Variants in ACTMAP observed in about 807,000 individuals in gnomAD.
ACTMAP encodes the protein actin maturation protease, also known as UPF0692 protein C19orf54.
chr19:40,750,449 G>A, the ACTMAP span: 2 of 152,136 alleles, frequency 1.3e-5, no homozygotes, highest in Non-Finnish European at 2.9e-5. Context: ...AAAAGGAAAG[G>A]AGTCAGGAAG....
the ACTMAP span, chr19:40,743,911 T>C: frequency 6.2e-7 from 1 of 1,613,976 alleles, no homozygotes; most frequent in Admixed American, 1.7e-5. Context: ...CCACCTGCAC[T>C]CACCGCCCAG....
chr19:40,742,401 A>G, the ACTMAP span: 1 of 1,445,924 alleles, frequency 6.9e-7, no homozygotes, highest in Non-Finnish European at 9.1e-7. Context: ...ATGGTTACCG[A>G]GCTAGGCTGC....
At chr19:40,741,116 C>T in the ACTMAP span, 5 of 398,822 alleles carry the variant, frequency 1.3e-5, no homozygotes, top group Admixed American at 4.4e-5. Flanking sequence ...ATGGTGGACA[C>T]GCATCCTCTT....
chr19:40,747,396 G>C, the ACTMAP span, among the ~76,000 whole-genome samples: 1 of 151,976 alleles, frequency 6.6e-6, no homozygotes, highest in Non-Finnish European at 1.5e-5. Flanking sequence ...AAATTAGCCA[G>C]GCGTGGTGGT....
At chr19:40,741,164 G>C in the ACTMAP span, 70 of 396,904 alleles carry the variant, frequency 1.8e-4, no homozygotes, top group Non-Finnish European at 2.7e-5. Flanking sequence ...CACTGTGGCC[G>C]GGCTCAGTGG....
At chr19:40,742,230 C>A in the ACTMAP span, 143 of 710,100 alleles carry the variant, frequency 2.0e-4, 1 homozygote, top group Middle Eastern at 1.4e-3. Flanking sequence ...ATGGAATAGG[C>A]AGGCCGCAGG....
At chr19:40,741,441 TAAA>T in the ACTMAP span, 4,942 of 198,674 alleles carry the variant, frequency 0.025, no homozygotes, top group South Asian at 0.063. Context: ...AGACTCCATC[TAAA>T]AAAAAAAAAA....
At chr19:40,745,900 G>A in the ACTMAP span, among the ~76,000 whole-genome samples, 5 of 152,190 alleles carry the variant, frequency 3.3e-5, no homozygotes, top group East Asian at 7.7e-4. Flanking sequence ...TCGAATTCCT[G>A]ACCTCAGGTT....
chr19:40,745,277 G>C, the ACTMAP span: 14 of 1,363,748 alleles, frequency 1.0e-5, no homozygotes, highest in Middle Eastern at 1.8e-4. Context: ...GGGAGTGGTC[G>C]TATCCAGGGA....
the ACTMAP span, among the ~76,000 whole-genome samples, chr19:40,743,530 G>A: frequency 6.6e-6 from 1 of 152,278 alleles, no homozygotes; most frequent in East Asian, 1.9e-4. Context: ...ACCGCGCCTG[G>A]CCAAGCCTTG....
At chr19:40,741,784 A>AC in the ACTMAP span, 5 of 454,154 alleles carry the variant, frequency 1.1e-5, no homozygotes, top group African/African-American at 2.0e-5. Context: ...TCCATCTAGC[A>AC]CCCCCCTTAC....
At chr19:40,744,619 C>A in the ACTMAP span, 1 of 1,613,738 alleles carries the variant, frequency 6.2e-7, no homozygotes, top group African/African-American at 1.3e-5. Context: ...ATGAGTCTCT[C>A]CAGGGGGACG....
the ACTMAP span, among the ~76,000 whole-genome samples, chr19:40,746,263 C>CGGCT: frequency 6.6e-6 from 1 of 151,898 alleles, no homozygotes; most frequent in Non-Finnish European, 1.5e-5. Flanking sequence ...CTTGTTGCTC[C>CGGCT]GGCTGGAGTG....
the ACTMAP span, chr19:40,749,891 T>A: frequency 9.1e-7 from 1 of 1,099,922 alleles, no homozygotes; most frequent in Non-Finnish European, 1.2e-6. Context: ...ATGGAGATTT[T>A]AAAGGTTTAA....
chr19:40,742,782 G>C, the ACTMAP span: 1 of 1,597,922 alleles, frequency 6.3e-7, no homozygotes, highest in Non-Finnish European at 8.5e-7. Context: ...TGGGGGAGAG[G>C]AGAAGGTGGT....
chr19:40,743,512 C>T, the ACTMAP span, among the ~76,000 whole-genome samples: 4 of 152,260 alleles, frequency 2.6e-5, no homozygotes, highest in Admixed American at 6.5e-5. Context: ...GGATTACAGG[C>T]GTGAGCCACC....
At chr19:40,749,714 A>G in the ACTMAP span, 1 of 1,515,216 alleles carries the variant, frequency 6.6e-7, no homozygotes, top group South Asian at 1.3e-5. Flanking sequence ...TTGGGGGTAG[A>G]GGAGGAGATG....
the ACTMAP span, chr19:40,749,556 T>A: frequency 3.9e-6 from 6 of 1,551,338 alleles, no homozygotes; most frequent in Non-Finnish European, 5.2e-6. Flanking sequence ...ATCAAAGGCC[T>A]CCTTCAGGAG....
chr19:40,744,425 C>T, the ACTMAP span: 5 of 1,461,308 alleles, frequency 3.4e-6, no homozygotes, highest in Middle Eastern at 2.4e-4. Context: ...TGTAACCTCT[C>T]TGCTCTACTG....
Sources: allele counts gnomAD v4.1 joint callset (sites outside exome capture counted in the v4.1 genomes callset), GRCh38; gene constraint gnomAD v4.1.1; transcripts MANE v1.5; gene names NCBI Gene and HGNC (gene_info 2026-07-23, HGNC 2026-07-21).